Variants in GRIP2 observed in about 807,000 individuals in gnomAD.
GRIP2 encodes the protein glutamate receptor interacting protein 2.
A neutral mutation model predicts 108.3 loss-of-function variants in GRIP2; 58 were observed. The ratio of observed to expected loss-of-function variants is 0.54; its 90% CI spans 0.43 to 0.67. GRIP2 has a LOEUF of 0.67. Among genes scored for constraint, GRIP2 ranks in the 30% least tolerant of loss-of-function variants. GRIP2 has a pLI of 0.00. For synonymous variants in GRIP2, 586 were observed against 598.2 expected (o/e 0.98, Z 0.30); for missense variants, 1,278 against 1,430.6 (o/e 0.89, Z 1.72).
intron 1 of GRIP2, among the ~76,000 whole-genome samples, chr3:14,527,391 A>AGGAAAGGAAAGGAAAGGAAAGAAAG (rs72297166): frequency 0.056 from 7,881 of 140,470 alleles, 261 homozygotes; most frequent in African/African-American, 0.07. Context: ...AGGAAAGGAA[A>AGGAAAGGAAAGGAAAGGAAAGAAAG]GAAAGGAAAG....
At chr3:14,547,286 T>G (rs1005422810) in intron 1 of GRIP2, among the ~76,000 whole-genome samples, 5 of 152,130 alleles carry the variant, frequency 3.3e-5, no homozygotes, top group African/African-American at 1.2e-4. Context: ...AGCAGACACA[T>G]AAAGCACTAT....
At chr3:14,523,808 G>A (rs1284728718) in intron 4 of GRIP2, 110 bp from the exon 5 acceptor site, 1 of 766,500 alleles carries the variant, frequency 1.3e-6, no homozygotes, top group Non-Finnish European at 2.3e-6. Context: ...AGAGATTACA[G>A]GGAGGGTAAA....
chr3:14,571,120 A>T, the GRIP2 span, among the ~76,000 whole-genome samples: 2 of 151,616 alleles, frequency 1.3e-5, no homozygotes, highest in African/African-American at 4.9e-5. Flanking sequence ...AAAAAAAATC[A>T]CCCCCTGTTG....
At chr3:14,584,841 C>G in the GRIP2 span, among the ~76,000 whole-genome samples, 84 of 152,358 alleles carry the variant, frequency 5.5e-4, 1 homozygote, top group Admixed American at 4.6e-3. Flanking sequence ...CCCATAGACC[C>G]TGCCTCACTG....
chr3:14,541,513 G>C (rs1166468250), upstream of GRIP2, among the ~76,000 whole-genome samples: 1 of 152,348 alleles, frequency 6.6e-6, no homozygotes, highest in South Asian at 2.1e-4. Context: ...AGTGACCCCA[G>C]CATGGAATTT....
upstream of GRIP2, among the ~76,000 whole-genome samples, chr3:14,558,683 T>C (rs1448927593): frequency 6.6e-6 from 1 of 151,996 alleles, no homozygotes; most frequent in Non-Finnish European, 1.5e-5. Context: ...GAGGACCACA[T>C]CCAGACCTGC....
At chr3:14,547,544 TG>T (rs1695076266) in intron 1 of GRIP2, among the ~76,000 whole-genome samples, 1 of 152,216 alleles carries the variant, frequency 6.6e-6, no homozygotes, top group South Asian at 2.1e-4. Context: ...TGTTAGAAGT[TG>T]GAACTCTCTC....
chr3:14,489,620 C>T lies in GRIP2; in HGVS notation c.*4045G>A, dbSNP rs1206171573. The T allele has an allele frequency of 6.6e-6, 1 of 152,280 alleles. No homozygotes were observed. Among genetic ancestry groups the T allele is most frequent in the Non-Finnish European group, 1.5e-5 (1 of 68,126 alleles). The allele number at this position is 152,280 out of a possible 1,614,324, so 9.4% of individuals were successfully genotyped here. A position where few individuals can be genotyped will look rare whatever the true frequency, so the allele number is the denominator to read the frequency against. On this transcript the variant is annotated 3_prime_UTR_variant, in exon 24 of 24. Coordinates refer to ENST00000621039, the MANE Select transcript of GRIP2 (RefSeq NM_001080423.4). ...TGATTCTACCTGCTACATGCCCAGC[C>T]CTGTACAGCTGGGAGATCTGGCAGC...
the GRIP2 span, among the ~76,000 whole-genome samples, chr3:14,561,230 C>G: frequency 6.6e-6 from 1 of 152,240 alleles, no homozygotes; most frequent in Non-Finnish European, 1.5e-5. Context: ...CCCATGGATG[C>G]TTCAGGCTGA....
the GRIP2 span, among the ~76,000 whole-genome samples, chr3:14,571,345 C>T: frequency 6.6e-6 from 1 of 152,150 alleles, no homozygotes; most frequent in Non-Finnish European, 1.5e-5. Context: ...CGTCAGATCT[C>T]CCCTCCCTCC....
At chr3:14,557,786 G>A (rs1020772212), upstream of GRIP2, among the ~76,000 whole-genome samples, 3 of 152,260 alleles carry the variant, frequency 2.0e-5, no homozygotes, top group South Asian at 2.1e-4. Context: ...CAAACAGAGA[G>A]GAAGGGAAGG....
chr3:14,539,991 A>G (rs1694923338), intron 1 of GRIP2, among the ~76,000 whole-genome samples: 1 of 151,986 alleles, frequency 6.6e-6, no homozygotes, highest in Non-Finnish European at 1.5e-5. Context: ...TTCCCCCTAC[A>G]AGGCTGAGCA....
chr3:14,540,514 T>G, upstream of GRIP2: 7 of 1,169,220 alleles, frequency 6.0e-6, no homozygotes, highest in African/African-American at 3.1e-5. This position sits in a 1 kb window ranked among gnomAD's most constrained non-coding sequence, Gnocchi z 4.1. Flanking sequence ...GGGTCCAACA[T>G]GCCCCACCCC....
Position 14,534,537 on chromosome 3 carries a change from T to C in GRIP2, c.40+5732A>G, listed in dbSNP as rs559107682. Among the ~76,000 whole-genome samples the C allele has an allele frequency of 4.0e-4, 60 of 150,890 alleles. 4 individuals are homozygous for C. In the South Asian group the frequency reaches 0.011, roughly 27 times the overall value. On this transcript the variant is annotated intron_variant, in intron 1 of 23. Transcript: ENST00000621039. ...ATATTTTTATCCATGTTTTTTTTTT[T>C]CCCTGTCTCCTCCTTCCAGCAACGG...
chr3:14,575,256 GT>G, the GRIP2 span, among the ~76,000 whole-genome samples: 2 of 152,224 alleles, frequency 1.3e-5, no homozygotes, highest in African/African-American at 4.8e-5. Context: ...CTGTGCCACT[GT>G]CCGCAATGCT....
the GRIP2 span, among the ~76,000 whole-genome samples, chr3:14,586,657 A>C: frequency 2.6e-5 from 4 of 152,230 alleles, no homozygotes; most frequent in African/African-American, 4.8e-5. Flanking sequence ...TGGCCCTTAA[A>C]AATGACAAGT....
chr3:14,602,578 C>A, the GRIP2 span, among the ~76,000 whole-genome samples: 1 of 151,740 alleles, frequency 6.6e-6, no homozygotes, highest in Non-Finnish European at 1.5e-5. The surrounding 1 kb of genome is among the most constrained non-coding windows in gnomAD (Gnocchi z 4.7). Flanking sequence ...CCTCCAGGAG[C>A]CCGACCCGCC....
At chr3:14,525,633 T>A in intron 2 of GRIP2, 61 bp from the exon 3 acceptor site, 3 of 1,598,344 alleles carry the variant, frequency 1.9e-6, no homozygotes, top group Non-Finnish European at 2.6e-6. Context: ...GGCCCCCAGC[T>A]CTAAGATAAG....
the GRIP2 span, among the ~76,000 whole-genome samples, chr3:14,576,005 T>C: frequency 2.6e-5 from 4 of 152,186 alleles, no homozygotes; most frequent in Non-Finnish European, 4.4e-5. Context: ...CAGGCAGCCA[T>C]GGCCAGTGCT....
Sources: allele counts gnomAD v4.1 joint callset (sites outside exome capture counted in the v4.1 genomes callset), GRCh38; gene constraint gnomAD v4.1.1; non-coding constraint Gnocchi (gnomAD v3.1); transcripts MANE v1.5; gene names NCBI Gene and HGNC (gene_info 2026-07-23, HGNC 2026-07-21).